The following NALF1 variants were observed in gnomAD, a reference collection of about 807,000 sequenced individuals.
NALF1 encodes the protein family with sequence similarity 155 member A.
NALF1 carries 3 observed loss-of-function variants against 48.4 expected under a neutral mutation model. The ratio of observed to expected loss-of-function variants is 0.06; its 90% CI spans 0.03 to 0.16. NALF1 has a LOEUF of 0.16. NALF1 is among the 10% of genes least tolerant of loss of function. The pLI is 1.00. For missense variants in NALF1, 526 were observed against 571.5 expected (o/e 0.92, Z 0.81); for synonymous variants, 262 against 245.7 (o/e 1.07, Z -0.62).
intron 1 of NALF1, among the ~76,000 whole-genome samples, chr13:107,666,292 C>T (rs750313734): frequency 1.3e-5 from 2 of 152,080 alleles, no homozygotes; most frequent in Non-Finnish European, 1.5e-5. Flanking sequence ...GATCTTTGTT[C>T]TTATTGGTGG....
intron 1 of NALF1, among the ~76,000 whole-genome samples, chr13:107,325,949 CAT>C (rs1203696404): frequency 1.7e-4 from 23 of 134,046 alleles, no homozygotes; most frequent in African/African-American, 5.2e-4. Context: ...CACATATATA[CAT>C]ATATATACAC....
intron 1 of NALF1, among the ~76,000 whole-genome samples, chr13:107,358,762 A>G (rs1883008324): frequency 6.6e-6 from 1 of 152,168 alleles, no homozygotes; most frequent in Non-Finnish European, 1.5e-5. Context: ...CTTGAAATCC[A>G]TCACAATATG....
intron 1 of NALF1, among the ~76,000 whole-genome samples, chr13:107,487,513 G>A (rs747422828): frequency 2.4e-4 from 36 of 152,136 alleles, no homozygotes; most frequent in Non-Finnish European, 3.1e-4. Context: ...CTGTGGAGTG[G>A]ACATGTGTAT....
At position 107,213,649 on chromosome 13, in the gene NALF1, T is replaced by TTTTACA. The variant is rs1463817140; in HGVS notation, c.916-2895_916-2894insTGTAAA. On this transcript the variant is annotated intron_variant, in intron 1 of 2. Coordinates refer to ENST00000375915, the MANE Select transcript of NALF1 (RefSeq NM_001080396.3). ...ATAACTAAAGTCTTTATCTTCTCTG[T>TTTTACA]GTAGATGTGTTTACAATAAAAGAGG... Among the ~76,000 whole-genome samples the TTTTACA allele has an allele frequency of 9.8e-5, 15 of 152,328 alleles. 1 individual carries two copies. Among genetic ancestry groups the TTTTACA allele is most frequent in the Admixed American group, 9.1e-4 (14 of 15,308 alleles).
chr13:107,429,649 G>T (rs1035956121), intron 1 of NALF1, among the ~76,000 whole-genome samples: 1 of 152,064 alleles, frequency 6.6e-6, no homozygotes, highest in Non-Finnish European at 1.5e-5. Context: ...TACTCAACAG[G>T]GTTATCAATG....
At chr13:107,783,389 A>G (rs1339254136) in intron 1 of NALF1, among the ~76,000 whole-genome samples, 1 of 152,120 alleles carries the variant, frequency 6.6e-6, no homozygotes, top group East Asian at 1.9e-4. Flanking sequence ...AGAACGGGCC[A>G]TGATGACAAT....
At chr13:107,792,301 A>T (rs983519531) in intron 1 of NALF1, among the ~76,000 whole-genome samples, 2 of 152,194 alleles carry the variant, frequency 1.3e-5, no homozygotes, top group Admixed American at 1.3e-4. Context: ...AATACCATAC[A>T]TATGACATTT....
In NALF1 at chr13:107,659,114, G is replaced by GACACACACACACACACAC. The variant is rs71121541; in HGVS notation, c.915+206550_915+206567dup. ...GCCAGCACTGACACACTGACACACAGACACACACACACACACACACACACA... is the reference window on the plus strand; with the variant it reads ...GCCAGCACTGACACACTGACACACAGACACACACACACACACACACACACACACACACACACACACACA... On this transcript the variant is annotated intron_variant, in intron 1 of 2. Coordinates refer to ENST00000375915, the MANE Select transcript of NALF1 (RefSeq NM_001080396.3). Among the ~76,000 whole-genome samples the GACACACACACACACACAC allele has an allele frequency of 1.0e-3, 152 of 145,886 alleles. 1 individual carries two copies. Among genetic ancestry groups the GACACACACACACACACAC allele is most frequent in the African/African-American group, 3.1e-3 (123 of 39,706 alleles).
chr13:107,385,718 A>C (rs141884857), intron 1 of NALF1, among the ~76,000 whole-genome samples: 45 of 152,208 alleles, frequency 3.0e-4, no homozygotes, highest in Admixed American at 1.0e-3. Flanking sequence ...GTTTTGTTCA[A>C]TAGTTTGCAA....
chr13:107,530,645 C>A (rs1279060863), intron 1 of NALF1, among the ~76,000 whole-genome samples: 2 of 151,970 alleles, frequency 1.3e-5, no homozygotes, highest in African/African-American at 4.8e-5. Context: ...GTTGAGGCAG[C>A]CCAGCAGGTA....
Position 107,865,674 on chromosome 13 carries a change from G to A in NALF1, c.915+8C>T. The A allele has an allele frequency of 6.2e-7, 1 of 1,611,156 alleles. No individual in the cohort carries two copies. The highest frequency in any genetic ancestry group is 2.2e-5 in the East Asian group (1 of 44,782). ...GCAGGAAAGGGGGAAACCCCCGAGG[G>A]TTCCTACCTTACAGTCTTCAGGACA... On this transcript the variant is annotated splice_region_variant and intron_variant, in intron 1 of 2. Transcript: ENST00000375915.
chr13:107,285,800 TGAGA>T (rs1217312044), intron 1 of NALF1, among the ~76,000 whole-genome samples: 1 of 151,990 alleles, frequency 6.6e-6, no homozygotes, highest in African/African-American at 2.4e-5. Flanking sequence ...CCCAGGGGGC[TGAGA>T]GAGAGTCAAA....
At chr13:107,746,786 T>C (rs1218603522) in intron 1 of NALF1, among the ~76,000 whole-genome samples, 1 of 152,176 alleles carries the variant, frequency 6.6e-6, no homozygotes, top group Non-Finnish European at 1.5e-5. Context: ...CAAGATCATA[T>C]AACAGAGAAA....
At chr13:107,828,602 TCTATACACACACACACAC>T (rs1879600217) in intron 1 of NALF1, among the ~76,000 whole-genome samples, 3 of 43,284 alleles carry the variant, frequency 6.9e-5, no homozygotes, top group Admixed American at 3.3e-4. Context: ...TATATCTATA[TCTATACACACACACACAC>T]ACACACACAC....
At chr13:107,236,671 G>A (rs61965572) in intron 1 of NALF1, among the ~76,000 whole-genome samples, 28 of 140,718 alleles carry the variant, frequency 2.0e-4, no homozygotes, top group South Asian at 7.4e-4. Flanking sequence ...CCATCTGTCT[G>A]TCTATCTATC....
intron 1 of NALF1, among the ~76,000 whole-genome samples, chr13:107,790,674 T>C (rs956768904): frequency 1.3e-5 from 2 of 152,170 alleles, no homozygotes; most frequent in Non-Finnish European, 2.9e-5. Context: ...TTTATGCGAA[T>C]AAAAGAAGCA....
At chr13:107,185,648 T>G (rs1410007662) in intron 2 of NALF1, among the ~76,000 whole-genome samples, 1 of 152,202 alleles carries the variant, frequency 6.6e-6, no homozygotes, top group Admixed American at 6.5e-5. Flanking sequence ...CATAAAACTT[T>G]AAATACTTTT....
At chr13:107,503,469 G>A (rs1411105611) in intron 1 of NALF1, among the ~76,000 whole-genome samples, 3 of 152,056 alleles carry the variant, frequency 2.0e-5, no homozygotes, top group African/African-American at 7.2e-5. Flanking sequence ...TGCAAGGTGT[G>A]GCAGAAAGGG....
chr13:107,767,767 C>T (rs1331121831), intron 1 of NALF1, among the ~76,000 whole-genome samples: 1 of 152,208 alleles, frequency 6.6e-6, no homozygotes, highest in Non-Finnish European at 1.5e-5. Context: ...TAATCTTGCC[C>T]TTTTTATAAC....
Sources: allele counts gnomAD v4.1 joint callset (sites outside exome capture counted in the v4.1 genomes callset), GRCh38; gene constraint gnomAD v4.1.1; transcripts MANE v1.5; gene names NCBI Gene and HGNC (gene_info 2026-07-23, HGNC 2026-07-21).